The following LIN28B variants were observed in gnomAD, a reference collection of about 807,000 sequenced individuals.
LIN28B encodes the protein protein lin-28 homolog B.
In LIN28B, 5 loss-of-function variants were observed where a neutral mutation model predicts 21.9. The ratio of observed to expected loss-of-function variants is 0.23; its 90% CI spans 0.12 to 0.48. LIN28B has a LOEUF of 0.48. Among genes scored for constraint, LIN28B ranks in the 20% least tolerant of loss-of-function variants. The pLI, the probability that LIN28B is intolerant of heterozygous loss-of-function variation, is 0.98. For missense variants in LIN28B, 245 were observed against 310.5 expected (o/e 0.79, Z 1.58); for synonymous variants, 109 against 111.3 (o/e 0.98, Z 0.13).
At chr6:105,074,415 G>A (rs1772386373) in intron 3 of LIN28B, among the ~76,000 whole-genome samples, 1 of 152,194 alleles carries the variant, frequency 6.6e-6, no homozygotes, top group African/African-American at 2.4e-5. Flanking sequence ...AGCCAAGATG[G>A]TCTCGATCTC....
chr6:105,022,891 G>C (rs1391223446), intron 2 of LIN28B, among the ~76,000 whole-genome samples: 1 of 151,812 alleles, frequency 6.6e-6, no homozygotes, highest in Non-Finnish European at 1.5e-5. Flanking sequence ...CCTGAAGTAG[G>C]GTGATAGCAA....
chr6:105,032,205 C>G (rs1771439948), intron 3 of LIN28B, among the ~76,000 whole-genome samples: 1 of 151,980 alleles, frequency 6.6e-6, no homozygotes, highest in Admixed American at 6.6e-5. Context: ...CCAGTTGTGA[C>G]AATTATGAAT....
At chr6:105,010,398 C>G (rs1474868356) in intron 2 of LIN28B, among the ~76,000 whole-genome samples, 12 of 151,538 alleles carry the variant, frequency 7.9e-5, no homozygotes, top group Non-Finnish European at 1.6e-4. Context: ...ATAACAGTTT[C>G]AATATCAACT....
intron 3 of LIN28B, among the ~76,000 whole-genome samples, chr6:105,053,786 G>T (rs577819635): frequency 6.6e-6 from 1 of 151,648 alleles, no homozygotes; most frequent in East Asian, 1.9e-4. Context: ...AGGCTGGAGT[G>T]CAATGGCACA....
At chr6:105,049,192 G>T (rs1240067635) in intron 3 of LIN28B, among the ~76,000 whole-genome samples, 1 of 152,082 alleles carries the variant, frequency 6.6e-6, no homozygotes, top group African/African-American at 2.4e-5. Flanking sequence ...AGAGATTTTG[G>T]TTTGTCGTGT....
At chr6:104,989,576 G>GTTTTTTTTTTTTTTTTTTTTTTTTT (rs34394074) in intron 2 of LIN28B, among the ~76,000 whole-genome samples, 1 of 60,572 alleles carries the variant, frequency 1.7e-5, no homozygotes, top group Non-Finnish European at 3.0e-5. Context: ...TTTTACTTGG[G>GTTTTTTTTTTTTTTTTTTTTTTTTT]TTTTTTTTTT....
chr6:104,961,194 A>T (rs1200447683), intron 2 of LIN28B, among the ~76,000 whole-genome samples: 1 of 152,190 alleles, frequency 6.6e-6, no homozygotes, highest in Non-Finnish European at 1.5e-5. Context: ...TTTTATTTTT[A>T]AAAAATTAAC....
At chr6:104,977,121 G>A (rs929827324) in intron 2 of LIN28B, among the ~76,000 whole-genome samples, 5 of 151,652 alleles carry the variant, frequency 3.3e-5, no homozygotes, top group African/African-American at 4.8e-5. Context: ...CTTGTACTCC[G>A]AGACTCAAGT....
chr6:105,014,734 T>A (rs1050669968), intron 2 of LIN28B, among the ~76,000 whole-genome samples: 1 of 152,150 alleles, frequency 6.6e-6, no homozygotes, highest in Admixed American at 6.5e-5. Flanking sequence ...ATTACAGATA[T>A]AAGCCACTGT....
At chr6:104,972,192 G>C (rs1727044626) in intron 2 of LIN28B, among the ~76,000 whole-genome samples, 1 of 152,124 alleles carries the variant, frequency 6.6e-6, no homozygotes, top group Non-Finnish European at 1.5e-5. Context: ...GGCTGGCCTT[G>C]AATGCCTGAC....
intron 2 of LIN28B, among the ~76,000 whole-genome samples, chr6:104,965,969 T>C (rs1182825937): frequency 6.6e-6 from 1 of 152,248 alleles, no homozygotes; most frequent in African/African-American, 2.4e-5. Context: ...CAAATCCCAG[T>C]TTATTAGATA....
In LIN28B at chr6:104,974,233, G is replaced by A. The variant is rs573514491; in HGVS notation, c.198+15947G>A. 7.9e-5 allele frequency among the ~76,000 whole-genome samples: 12 copies of A among 152,246 alleles called. No individual in the cohort carries two copies. In the East Asian group the frequency reaches 9.6e-4, roughly 12 times the overall value. ...AGGTTGGGTACAGTGGCTCACACCC[G>A]TAATCCTAGCACTTTGGGAGGTCGA... On this transcript the variant is annotated intron_variant, in intron 2 of 3. Transcript: ENST00000345080.
intron 2 of LIN28B, among the ~76,000 whole-genome samples, chr6:105,017,072 C>CAAAA (rs56179020): frequency 2.8e-3 from 242 of 85,782 alleles, no homozygotes; most frequent in Middle Eastern, 0.026. Flanking sequence ...GACTCTGTCT[C>CAAAA]AAAAAAAAAA....
At chr6:105,027,936 T>C (rs1004483025) in intron 3 of LIN28B, among the ~76,000 whole-genome samples, 1 of 152,164 alleles carries the variant, frequency 6.6e-6, no homozygotes, top group Non-Finnish European at 1.5e-5. Context: ...TAAATTCCAT[T>C]TTCATTGACA....
intron 2 of LIN28B, among the ~76,000 whole-genome samples, chr6:104,963,247 T>C (rs950840977): frequency 2.0e-5 from 3 of 152,030 alleles, no homozygotes; most frequent in Non-Finnish European, 2.9e-5. Context: ...GGGGTTTCAC[T>C]GTGTTAGCCA....
intron 3 of LIN28B, among the ~76,000 whole-genome samples, chr6:105,066,961 C>G (rs1258746866): frequency 6.6e-6 from 1 of 152,052 alleles, no homozygotes; most frequent in Non-Finnish European, 1.5e-5. Flanking sequence ...TGACACAAAG[C>G]TCTAGTGGAA....
At chr6:104,951,944 C>T (rs1256802275) in intron 3 of LIN28B, among the ~76,000 whole-genome samples, 1 of 152,176 alleles carries the variant, frequency 6.6e-6, no homozygotes, top group Non-Finnish European at 1.5e-5. Context: ...TGCTGATTTG[C>T]TTCAGGCATC....
intron 2 of LIN28B, among the ~76,000 whole-genome samples, chr6:104,981,700 C>A (rs1484764415): frequency 6.6e-6 from 1 of 152,178 alleles, no homozygotes; most frequent in East Asian, 1.9e-4. Flanking sequence ...CTAGCTCTTG[C>A]TGACTTCCCA....
rs899870887 is a variant in LIN28B, at chr6:105,081,618, A to G, written c.*2835A>G. 5.3e-5 allele frequency: 8 copies of G among 152,284 alleles called. No individual in the cohort carries two copies. Among genetic ancestry groups the G allele is most frequent in the African/African-American group, 1.9e-4 (8 of 41,460 alleles). 9.4% of individuals were successfully genotyped at this position (152,284 alleles called of 1,614,324 possible). A position where few individuals can be genotyped will look rare whatever the true frequency, so the allele number is the denominator to read the frequency against. On this transcript the variant is annotated 3_prime_UTR_variant, in exon 4 of 4. Coordinates refer to ENST00000345080, the MANE Select transcript of LIN28B (RefSeq NM_001004317.4). ...GTTTTAGTTAGCAAAGTCTCCAAAC[A>G]TTTCCTTAAAATAATCATGTATTTA... is the stretch of plus-strand genomic sequence containing the variant.
Sources: allele counts gnomAD v4.1 joint callset (sites outside exome capture counted in the v4.1 genomes callset), GRCh38; gene constraint gnomAD v4.1.1; transcripts MANE v1.5; gene names NCBI Gene and HGNC (gene_info 2026-07-23, HGNC 2026-07-21).